The following CHST11 variants were observed in gnomAD, a reference collection of about 807,000 sequenced individuals.
CHST11 encodes carbohydrate sulfotransferase 11.
In CHST11, 9 loss-of-function variants were observed where a neutral mutation model predicts 30.4. The observed-to-expected ratio is 0.30, with a 90% CI of 0.18 to 0.52. The LOEUF (loss-of-function observed/expected upper bound fraction) is 0.52. Among genes scored for constraint, CHST11 ranks in the 20% least tolerant of loss-of-function variants. CHST11 has a pLI of 0.97. For missense variants in CHST11, 348 were observed against 460.6 expected, an observed-to-expected ratio of 0.76 and a Z score of 2.24; for synonymous variants, 152 against 187.8, an observed-to-expected ratio of 0.81 and a Z score of 1.56.
intron 1 of CHST11, among the ~76,000 whole-genome samples, chr12:104,526,873 G>T (rs944429276): frequency 1.3e-5 from 2 of 152,204 alleles, no homozygotes; most frequent in African/African-American, 4.8e-5. Flanking sequence ...AAGGGGTTGA[G>T]TCTTGAGCAA....
At chr12:104,480,270 C>T (rs2037607273) in intron 1 of CHST11, among the ~76,000 whole-genome samples, 1 of 151,888 alleles carries the variant, frequency 6.6e-6, no homozygotes, top group Admixed American at 6.6e-5. Flanking sequence ...AGGGGCATTG[C>T]AAATATAGTT....
intron 2 of CHST11, among the ~76,000 whole-genome samples, chr12:104,717,820 G>A (rs1035299644): frequency 6.6e-6 from 1 of 151,800 alleles, no homozygotes; most frequent in Admixed American, 6.6e-5. Flanking sequence ...CAAGGTGGTG[G>A]GCGCCTGTAA....
chr12:104,546,187 G>A (rs1280560177), intron 1 of CHST11, among the ~76,000 whole-genome samples: 1 of 151,870 alleles, frequency 6.6e-6, no homozygotes, highest in African/African-American at 2.4e-5. Flanking sequence ...TAACTTTCCT[G>A]GGTTGGGTAG....
intron 2 of CHST11, among the ~76,000 whole-genome samples, chr12:104,712,703 C>A (rs2040097406): frequency 6.6e-6 from 1 of 152,122 alleles, no homozygotes; most frequent in South Asian, 2.1e-4. Flanking sequence ...CTGAACAGTC[C>A]CCCTGACATT....
Position 104,676,365 on chromosome 12 carries a change from C to T in CHST11, c.204+74374C>T, listed in dbSNP as rs1474560023. On this transcript the variant is annotated intron_variant, in intron 2 of 2. Transcript: ENST00000303694. The surrounding 1 kb of genome is among the most constrained non-coding windows in gnomAD (Gnocchi z 4.4). ...CCTTCTGAATTTTTTGGCTCATGGC[C>T]GCATCTCCTCAACTCTGCTTCCATT... Among the ~76,000 whole-genome samples, 2 of 152,104 alleles carry T rather than the reference C, an allele frequency of 1.3e-5. No homozygotes were observed. Among genetic ancestry groups the T allele is most frequent in the East Asian group, 1.9e-4 (1 of 5,184 alleles).
intron 2 of CHST11, among the ~76,000 whole-genome samples, chr12:104,607,067 AAAAT>A (rs912926434): frequency 1.3e-5 from 2 of 152,180 alleles, no homozygotes; most frequent in East Asian, 3.9e-4. Flanking sequence ...TCAAAAAATA[AAAAT>A]AAATAAATAA....
chr12:104,744,652 G>C (rs547419790), intron 2 of CHST11, among the ~76,000 whole-genome samples: 1 of 152,016 alleles, frequency 6.6e-6, no homozygotes, highest in Non-Finnish European at 1.5e-5. Flanking sequence ...AATTGCTTTC[G>C]GTATCTTCAT....
intron 1 of CHST11, among the ~76,000 whole-genome samples, chr12:104,532,480 G>T (rs567862555): frequency 8.8e-4 from 134 of 152,280 alleles, no homozygotes; most frequent in African/African-American, 3.2e-3. Flanking sequence ...GGAACAGTCC[G>T]ATGCAGAGGT....
chr12:104,643,636 T>TCACACACACACA (rs34979854), intron 2 of CHST11, among the ~76,000 whole-genome samples: 1 of 150,422 alleles, frequency 6.6e-6, no homozygotes, highest in Non-Finnish European at 1.5e-5. Flanking sequence ...GACTTTTTCT[T>TCACACACACACA]CACACACACA....
At chr12:104,618,097 C>T (rs540665878) in intron 2 of CHST11, among the ~76,000 whole-genome samples, 4 of 151,858 alleles carry the variant, frequency 2.6e-5, no homozygotes, top group South Asian at 2.1e-4. Flanking sequence ...TTAGTAGAGA[C>T]GGGTTTTCAC....
intron 2 of CHST11, among the ~76,000 whole-genome samples, chr12:104,668,167 G>A (rs2039658864): frequency 6.6e-6 from 1 of 152,122 alleles, no homozygotes; most frequent in South Asian, 2.1e-4. Context: ...ATAAGAAAGT[G>A]AGGACAGTAT....
chr12:104,630,457 A>T (rs905440441), intron 2 of CHST11, among the ~76,000 whole-genome samples: 5 of 152,250 alleles, frequency 3.3e-5, no homozygotes, highest in African/African-American at 1.2e-4. Context: ...AGATGAGGAT[A>T]ATCTCCAGCC....
rs140486952 is a variant in CHST11 at position 104,761,464 on chromosome 12, TACACACACAC to T, written c.*3689_*3698del. On this transcript the variant is annotated 3_prime_UTR_variant, in exon 3 of 3. Transcript: ENST00000303694. ...CTTGCTTTCCTAGCCAGTCCTCCCC[TACACACACAC>T]ACACACACACACACACACACACACA... 9.8e-5 allele frequency: 14 copies of T among 142,922 alleles called. No homozygotes were observed. The highest frequency in any genetic ancestry group is 4.3e-4 in the East Asian group (2 of 4,668). 8.9% of individuals were successfully genotyped at this position (142,922 alleles called of 1,614,324 possible).
In CHST11 at chr12:104,457,386, C is replaced by G; in HGVS notation, c.-26C>G. ...GCCCCGGGCGCGCTTCCCGGACACC[C>G]CGGTCCCCGCAGCCAGGACAAAGCC... On this transcript the variant is annotated 5_prime_UTR_variant, in exon 1 of 3. Transcript: ENST00000303694. The G allele has an allele frequency of 6.3e-7, 1 of 1,576,830 alleles. No individual in the cohort carries two copies. Among genetic ancestry groups the G allele is most frequent in the Non-Finnish European group, 8.7e-7 (1 of 1,147,850 alleles).
intron 2 of CHST11, among the ~76,000 whole-genome samples, chr12:104,753,286 G>A (rs1412231526): frequency 6.6e-6 from 1 of 152,190 alleles, no homozygotes; most frequent in Non-Finnish European, 1.5e-5. Flanking sequence ...TGCGTCTGAC[G>A]GATCCTCAGC....
intron 2 of CHST11, among the ~76,000 whole-genome samples, chr12:104,681,825 C>CTTTTTTTTTTTT (rs149441295): frequency 2.4e-5 from 2 of 85,086 alleles, no homozygotes; most frequent in Non-Finnish European, 4.2e-5. Flanking sequence ...GTCTGTTTTG[C>CTTTTTTTTTTTT]TTTTTTTTTT....
chr12:104,524,075 A>G (rs1220507093), intron 1 of CHST11, among the ~76,000 whole-genome samples: 1 of 142,956 alleles, frequency 7.0e-6, no homozygotes, highest in Non-Finnish European at 1.5e-5. Flanking sequence ...AATTGGAGTC[A>G]TATAGTGCTG....
rs144491033 is a variant in CHST11, at chr12:104,676,795, A to G, written c.204+74804A>G. ...GACCCTTCACTCTACCGCAGCTGCA[A>G]ATTCTCCTTTTGCCATGGAAGGTCA... On this transcript the variant is annotated intron_variant, in intron 2 of 2. Coordinates refer to ENST00000303694, the MANE Select transcript of CHST11 (RefSeq NM_018413.6). The surrounding 1 kb of genome is among the most constrained non-coding windows in gnomAD (Gnocchi z 4.4). Among the ~76,000 whole-genome samples, 842 of 152,292 alleles carry G rather than the reference A, an allele frequency of 5.5e-3. 5 individuals are homozygous for G. The highest frequency in any genetic ancestry group is 0.019 in the African/African-American group (776 of 41,554).
chr12:104,557,054 A>G (rs142556679), intron 1 of CHST11, among the ~76,000 whole-genome samples: 1 of 152,060 alleles, frequency 6.6e-6, no homozygotes, highest in East Asian at 1.9e-4. Flanking sequence ...TAGGGCTCAC[A>G]CTACTCCAGT....
Sources: allele counts gnomAD v4.1 joint callset (sites outside exome capture counted in the v4.1 genomes callset), GRCh38; gene constraint gnomAD v4.1.1; non-coding constraint Gnocchi (gnomAD v3.1); transcripts MANE v1.5; gene names NCBI Gene and HGNC (gene_info 2026-07-23, HGNC 2026-07-21).